The following MAGI2 variants were observed in gnomAD, a reference collection of about 807,000 sequenced individuals.
The protein encoded by MAGI2 is membrane-associated guanylate kinase, WW and PDZ domain-containing protein 2.
Under a neutral mutation model 133.3 loss-of-function variants are expected in MAGI2, and 35 were observed. The observed-to-expected ratio is 0.26, with a 90% CI of 0.20 to 0.35. The LOEUF (loss-of-function observed/expected upper bound fraction) is 0.35, where lower values mean the gene tolerates loss of function less well. Ranked by LOEUF, MAGI2 falls within the 10% of genes least tolerant of loss-of-function variation. MAGI2 has a pLI of 1.00. For synonymous variants in MAGI2, 729 were observed against 710.6 expected (o/e 1.03, Z -0.41); for missense variants, 1,636 against 1,863.4 (o/e 0.88, Z 2.25).
At chr7:78,120,915 G>A (rs1465237778) in intron 20 of MAGI2, among the ~76,000 whole-genome samples, 2 of 146,734 alleles carry the variant, frequency 1.4e-5, no homozygotes, top group East Asian at 2.0e-4. Flanking sequence ...GCAGGAGAAT[G>A]GCGTGAACCC....
chr7:78,291,590 G>T (rs897219169), intron 9 of MAGI2, among the ~76,000 whole-genome samples: 1 of 152,138 alleles, frequency 6.6e-6, no homozygotes, highest in Non-Finnish European at 1.5e-5. Flanking sequence ...TATGAGGCCA[G>T]CATCATTCTG....
chr7:78,537,311 G>A (rs1798044713), intron 3 of MAGI2, among the ~76,000 whole-genome samples: 1 of 152,146 alleles, frequency 6.6e-6, no homozygotes, highest in East Asian at 1.9e-4. Context: ...AAACGTGGGT[G>A]TGCAAGTGTC....
intron 1 of MAGI2, among the ~76,000 whole-genome samples, chr7:79,434,778 C>T (rs991829823): frequency 3.3e-5 from 5 of 152,044 alleles, no homozygotes; most frequent in African/African-American, 1.2e-4. Flanking sequence ...CATGGGGTCC[C>T]CAGCTATTTG....
At chr7:78,794,981 C>T (rs37865) in intron 2 of MAGI2, among the ~76,000 whole-genome samples, 121,701 of 152,060 alleles carry the variant, frequency 0.8, 50,151 homozygotes, top group East Asian at 0.96. Flanking sequence ...TCTTCTATCA[C>T]AGAGCAGCTG....
At chr7:78,332,055 A>C (rs562696448) in intron 9 of MAGI2, among the ~76,000 whole-genome samples, 2 of 152,338 alleles carry the variant, frequency 1.3e-5, no homozygotes, top group East Asian at 3.9e-4. Flanking sequence ...CTATATCTGC[A>C]CTAAAATGAT....
intron 2 of MAGI2, among the ~76,000 whole-genome samples, chr7:78,800,173 A>T (rs992460112): frequency 2.6e-5 from 4 of 152,268 alleles, no homozygotes; most frequent in African/African-American, 9.6e-5. Flanking sequence ...CAGTAATACC[A>T]GGGTTATATA....
At position 79,316,772 on chromosome 7, in the gene MAGI2, G is replaced by T. The variant is rs1282141114; in HGVS notation, c.301+136248C>A. ...AACATTTATTAAGTGCAAATTATGT[G>T]GTGGGCACTCTGCAAAGTCCTTTAT... is the stretch of plus-strand genomic sequence containing the variant. On this transcript the variant is annotated intron_variant, in intron 1 of 21. Transcript: ENST00000354212. Among the ~76,000 whole-genome samples, 3 of 152,002 alleles carry T rather than the reference G, an allele frequency of 2.0e-5. No individual in the cohort carries two copies. In the East Asian group the frequency reaches 5.8e-4, roughly 29 times the overall value.
chr7:79,015,774 A>G (rs12113491), intron 1 of MAGI2, among the ~76,000 whole-genome samples: 102,757 of 151,880 alleles, frequency 0.68, 34,917 homozygotes, highest in Non-Finnish European at 0.7. Flanking sequence ...GGCAACTGAA[A>G]TGCACAATTT....
At chr7:79,223,990 T>C (rs762792954) in intron 1 of MAGI2, among the ~76,000 whole-genome samples, 42 of 152,124 alleles carry the variant, frequency 2.8e-4, no homozygotes, top group Admixed American at 4.6e-4. Context: ...GGGAGTGGGC[T>C]ATTTAATTCT....
chr7:78,104,385 G>C (rs891763906), intron 20 of MAGI2, among the ~76,000 whole-genome samples: 1 of 151,844 alleles, frequency 6.6e-6, no homozygotes, highest in African/African-American at 2.4e-5. Context: ...ACCACGCCCA[G>C]TTAATATTTT....
chr7:78,953,236 T>G (rs2115575607), intron 2 of MAGI2, among the ~76,000 whole-genome samples: 1 of 152,280 alleles, frequency 6.6e-6, no homozygotes, highest in African/African-American at 2.4e-5. Context: ...TCTGATCTAC[T>G]TATTTGGCAT....
intron 11 of MAGI2, among the ~76,000 whole-genome samples, chr7:78,197,195 C>A (rs34780374): frequency 0.19 from 28,507 of 152,154 alleles, 3,388 homozygotes; most frequent in Non-Finnish European, 0.27. Context: ...GGTGAACTTG[C>A]CATGATGTGG....
intron 16 of MAGI2, among the ~76,000 whole-genome samples, chr7:78,151,915 A>G (rs1823910519): frequency 6.6e-6 from 1 of 152,174 alleles, no homozygotes; most frequent in Non-Finnish European, 1.5e-5. Flanking sequence ...CTGTATGAGA[A>G]GCATACAGCC....
In MAGI2 at chr7:79,343,210, T is replaced by G. The variant is rs1314782875; in HGVS notation, c.301+109810A>C. 2.6e-5 allele frequency: 4 copies of G among 152,276 alleles called. No individual in the cohort carries two copies. In the East Asian group the frequency reaches 7.7e-4, roughly 29 times the overall value. The allele number at this position is 152,276 out of a possible 1,614,324, so 9.4% of individuals were successfully genotyped here. A position where few individuals can be genotyped will look rare whatever the true frequency, so the allele number is the denominator to read the frequency against. ...CACCACAGTCTAAGTAATAAACATATTCAGCACCTGCAAATGTTTCCTTGT... is the reference window on the plus strand; with the variant it reads ...CACCACAGTCTAAGTAATAAACATAGTCAGCACCTGCAAATGTTTCCTTGT... On this transcript the variant is annotated intron_variant, in intron 1 of 21. Transcript: ENST00000354212.
At chr7:78,724,010 G>C (rs1482185413) in intron 2 of MAGI2, among the ~76,000 whole-genome samples, 1 of 152,136 alleles carries the variant, frequency 6.6e-6, no homozygotes, top group African/African-American at 2.4e-5. Context: ...GCAGGGGTGT[G>C]GTCTAGGTCC....
chr7:78,983,047 TCA>T lies in MAGI2; in HGVS notation c.418+24041_418+24042del, dbSNP rs200389349. On this transcript the variant is annotated intron_variant, in intron 2 of 21. Coordinates refer to ENST00000354212, the MANE Select transcript of MAGI2 (RefSeq NM_012301.4). ...CTTACTACAAAAATAATGTAAAATA[TCA>T]CAATAATTTTTAGAAATTTGATTAC... is the stretch of plus-strand genomic sequence containing the variant. Among the ~76,000 whole-genome samples the T allele has an allele frequency of 2.6e-3, 401 of 152,082 alleles. 2 individuals are homozygous for T. Among genetic ancestry groups the T allele is most frequent in the African/African-American group, 9.0e-3 (374 of 41,534 alleles).
chr7:79,129,979 C>T (rs1039875588), intron 1 of MAGI2, among the ~76,000 whole-genome samples: 4 of 152,122 alleles, frequency 2.6e-5, no homozygotes, highest in African/African-American at 7.2e-5. Flanking sequence ...ATTAGTCTCA[C>T]GGTTATTTAT....
intron 1 of MAGI2, among the ~76,000 whole-genome samples, chr7:79,034,160 TA>T (rs1810895418): frequency 6.6e-6 from 1 of 152,156 alleles, no homozygotes; most frequent in African/African-American, 2.4e-5. Flanking sequence ...AGTAATCTTT[TA>T]GTGCATGGAG....
intron 2 of MAGI2, among the ~76,000 whole-genome samples, chr7:78,699,059 G>A (rs1432001328): frequency 1.3e-5 from 2 of 152,162 alleles, no homozygotes; most frequent in African/African-American, 4.8e-5. Flanking sequence ...GTCCACGTGG[G>A]TGACTGAGAG....
Sources: gnomAD v4.1 joint callset for allele counts (sites outside exome capture counted in the v4.1 genomes callset) on GRCh38, gnomAD v4.1.1 for gene constraint, MANE v1.5 for transcripts, NCBI Gene and HGNC (gene_info 2026-07-23, HGNC 2026-07-21) for gene names.